HTR2A: variants seen among roughly 807,000 people sequenced by gnomAD.
The protein encoded by HTR2A is 5-hydroxytryptamine receptor 2A, also known as 5-HT2 receptor.
A neutral mutation model predicts 31.0 loss-of-function variants in HTR2A; 14 were observed. The observed-to-expected ratio is 0.45, with a 90% CI of 0.30 to 0.71. HTR2A has a LOEUF of 0.71. HTR2A is among the 30% of genes least tolerant of loss of function. The pLI is 0.09. For synonymous variants in HTR2A, 209 were observed against 225.2 expected, an observed-to-expected ratio of 0.93 and a Z score of 0.64; for missense variants, 442 against 573.3, an observed-to-expected ratio of 0.77 and a Z score of 2.34.
chr13:46,867,607 T>C (rs1409643120), intron 3 of HTR2A, among the ~76,000 whole-genome samples: 1 of 152,224 alleles, frequency 6.6e-6, no homozygotes, highest in Non-Finnish European at 1.5e-5. Flanking sequence ...GGAGATAGTG[T>C]CTCCATCTGG....
chr13:46,880,297 A>G (rs1380168828), intron 3 of HTR2A, among the ~76,000 whole-genome samples: 3 of 152,176 alleles, frequency 2.0e-5, no homozygotes, highest in African/African-American at 7.2e-5. Flanking sequence ...GACGATTCCT[A>G]TCTCTTAGCC....
chr13:46,852,153 G>C (rs896371644), intron 3 of HTR2A: 3 of 152,274 alleles, frequency 2.0e-5, no homozygotes, highest in African/African-American at 7.2e-5. Flanking sequence ...AGTGCCTCCA[G>C]AAAGAACGCA....
At chr13:46,840,232 T>G (rs778470641) in intron 3 of HTR2A, among the ~76,000 whole-genome samples, 4 of 152,158 alleles carry the variant, frequency 2.6e-5, no homozygotes, top group Non-Finnish European at 5.9e-5. Flanking sequence ...AATCCTCATA[T>G]TACAGGGAAA....
At chr13:46,874,696 T>C (rs1950892598) in intron 3 of HTR2A, among the ~76,000 whole-genome samples, 1 of 152,256 alleles carries the variant, frequency 6.6e-6, no homozygotes, top group African/African-American at 2.4e-5. Context: ...AATGGCTCCA[T>C]AAACATTAGG....
In HTR2A at chr13:46,835,419, T is replaced by C; in HGVS notation, c.834A>G (p.Leu278=). 2.5e-6 allele frequency: 4 copies of C among 1,614,092 alleles called. No individual in the cohort carries two copies. The highest frequency in any genetic ancestry group is 2.2e-5 in the East Asian group (1 of 44,884). Residue 278 remains leucine (L), a synonymous_variant, in exon 4 of 4, where the codon TTA becomes TTG. Transcript: ENST00000542664. The part of the protein sequence containing the change: ...CVSDLGTRAK[L]ASFSFLPQSS... Reference sequence around the variant, plus strand: ...TCTGAGGGAGGAAGCTGAAAGAAGCTAATTTGGCCCGTGTGCCAAGATCAC... The same window carrying C: ...TCTGAGGGAGGAAGCTGAAAGAAGCCAATTTGGCCCGTGTGCCAAGATCAC...
At chr13:46,880,223 A>G (rs1039287590) in intron 3 of HTR2A, among the ~76,000 whole-genome samples, 11 of 152,178 alleles carry the variant, frequency 7.2e-5, no homozygotes, top group African/African-American at 2.2e-4. Flanking sequence ...GTAGGATACT[A>G]GGACACAGAG....
In HTR2A at chr13:46,895,914, C is replaced by A. The variant is rs979444009; in HGVS notation, c.-8G>T. 1 of 1,600,072 alleles carries A rather than the reference C, an allele frequency of 6.2e-7. No homozygotes were observed. Among genetic ancestry groups the A allele is most frequent in the Non-Finnish European group, 8.5e-7 (1 of 1,173,084 alleles). On this transcript the variant is annotated 5_prime_UTR_variant, in exon 2 of 4. Transcript: ENST00000542664. This position sits in a 1 kb window ranked among gnomAD's most constrained non-coding sequence, Gnocchi z 4.4. ...TTCACAAAGAATATCCATGTCTAAGCCAGAACTTGTAGCAGATGAGGTGTA... is the reference window on the plus strand; with the variant it reads ...TTCACAAAGAATATCCATGTCTAAGACAGAACTTGTAGCAGATGAGGTGTA...
At chr13:46,889,232 A>T (rs1275643345) in intron 3 of HTR2A, among the ~76,000 whole-genome samples, 1 of 152,182 alleles carries the variant, frequency 6.6e-6, no homozygotes, top group Non-Finnish European at 1.5e-5. Context: ...TAAATCAAGA[A>T]GCATCACTAG....
At chr13:46,875,832 C>T (rs932195434) in intron 3 of HTR2A, among the ~76,000 whole-genome samples, 2 of 152,164 alleles carry the variant, frequency 1.3e-5, no homozygotes, top group African/African-American at 2.4e-5. Context: ...AAAACAAATA[C>T]CCACAGCACA....
chr13:46,855,668 A>G (rs895909005), intron 3 of HTR2A, among the ~76,000 whole-genome samples: 2 of 152,218 alleles, frequency 1.3e-5, no homozygotes, highest in African/African-American at 2.4e-5. Flanking sequence ...CCAGCAGGGC[A>G]GGTGAGGACC....
intron 3 of HTR2A, among the ~76,000 whole-genome samples, chr13:46,863,575 A>C (rs955341324): frequency 1.8e-4 from 27 of 146,074 alleles, no homozygotes; most frequent in African/African-American, 6.6e-4. Flanking sequence ...GTGAGCTATG[A>C]AGTAAGCTGC....
At chr13:46,879,747 T>C (rs1262457296) in intron 3 of HTR2A, among the ~76,000 whole-genome samples, 2 of 152,242 alleles carry the variant, frequency 1.3e-5, no homozygotes, top group Non-Finnish European at 1.5e-5. Flanking sequence ...GGCTCATGCC[T>C]GTTATCCCAA....
At chr13:46,839,642 T>G (rs1950583871) in intron 3 of HTR2A, among the ~76,000 whole-genome samples, 1 of 152,196 alleles carries the variant, frequency 6.6e-6, no homozygotes, top group South Asian at 2.1e-4. Context: ...TTAATATATT[T>G]TTTCTGAAGA....
At chr13:46,878,173 A>C (rs995874144) in intron 3 of HTR2A, among the ~76,000 whole-genome samples, 1 of 152,186 alleles carries the variant, frequency 6.6e-6, no homozygotes, top group South Asian at 2.1e-4. Context: ...AACCCTGTGG[A>C]CAGGGAAATG....
Position 46,896,893 on chromosome 13 carries a change from C to T in HTR2A, c.-548G>A, listed in dbSNP as rs971237989. On this transcript the variant is annotated 5_prime_UTR_variant, in exon 1 of 4. Transcript: ENST00000542664. ...CCTGTTGGCTTCCTCTGGCACGGCT[C>T]GGCTGGGTTCCTCCCTCCCTGTGCG... 7 of 1,445,890 alleles carry T rather than the reference C, an allele frequency of 4.8e-6. No individual in the cohort carries two copies. Among genetic ancestry groups the T allele is most frequent in the Admixed American group, 4.3e-5 (2 of 46,688 alleles). 89.6% of individuals were successfully genotyped at this position (1,445,890 alleles called of 1,614,324 possible). A position where few individuals can be genotyped will look rare whatever the true frequency, so the allele number is the denominator to read the frequency against.
rs1286809616 is a variant in HTR2A at position 46,834,171 on chromosome 13, A to C, written c.*666T>G. ...GAAGAGAAAGCAGCAATAGTTATTGAATAACATTTGAAGTCTTTTTCACTT... is the reference window on the plus strand; with the variant it reads ...GAAGAGAAAGCAGCAATAGTTATTGCATAACATTTGAAGTCTTTTTCACTT... On this transcript the variant is annotated 3_prime_UTR_variant, in exon 4 of 4. Transcript: ENST00000542664. 1.3e-5 allele frequency: 2 copies of C among 152,684 alleles called. No individual in the cohort carries two copies. The highest frequency in any genetic ancestry group is 2.9e-5 in the Non-Finnish European group (2 of 68,046). 9.5% of individuals were successfully genotyped at this position (152,684 alleles called of 1,614,324 possible).
At chr13:46,876,561 C>T (rs1353554293) in intron 3 of HTR2A, among the ~76,000 whole-genome samples, 2 of 151,196 alleles carry the variant, frequency 1.3e-5, no homozygotes, top group Non-Finnish European at 3.0e-5. Flanking sequence ...AAGCGCCTGC[C>T]ACCACGCCCT....
chr13:46,859,564 C>G (rs1002023230), intron 3 of HTR2A, among the ~76,000 whole-genome samples: 1 of 151,940 alleles, frequency 6.6e-6, no homozygotes, highest in African/African-American at 2.4e-5. Context: ...ACCACCATCC[C>G]CCTAGTGCTG....
intron 3 of HTR2A, among the ~76,000 whole-genome samples, chr13:46,877,530 T>G (rs1036828598): frequency 6.6e-6 from 1 of 152,122 alleles, no homozygotes; most frequent in Non-Finnish European, 1.5e-5. Flanking sequence ...GGAAACAAAT[T>G]TTTTTCAAAG....
Sources: gnomAD v4.1 joint callset for allele counts (sites outside exome capture counted in the v4.1 genomes callset) on GRCh38, gnomAD v4.1.1 for gene constraint, Gnocchi (gnomAD v3.1) non-coding constraint, MANE v1.5 for transcripts, NCBI Gene and HGNC (gene_info 2026-07-23, HGNC 2026-07-21) for gene names.